UBXN2A: variants seen among roughly 807,000 people sequenced by gnomAD.
UBXN2A encodes UBX domain-containing protein 2A.
UBXN2A carries 28 observed loss-of-function variants against 28.4 expected under a neutral mutation model. The ratio of observed to expected loss-of-function variants is 0.99; its 90% CI spans 0.73 to 1.35. The LOEUF is 1.35. Among genes scored for constraint, UBXN2A ranks in the 40% most tolerant of loss-of-function variants. UBXN2A has a pLI of 0.00. For synonymous variants in UBXN2A, 97 were observed against 103.6 expected (o/e 0.94, Z 0.39); for missense variants, 253 against 297.9 (o/e 0.85, Z 1.11).
intron 1 of UBXN2A, among the ~76,000 whole-genome samples, chr2:23,954,979 C>G (rs1382812772): frequency 1.4e-5 from 2 of 144,382 alleles, no homozygotes; most frequent in Non-Finnish European, 3.0e-5. Flanking sequence ...TGTCGCCAGA[C>G]TGGAGTGCAG....
chr2:23,937,864 G>A (rs1025305510), upstream of UBXN2A, among the ~76,000 whole-genome samples: 2 of 152,278 alleles, frequency 1.3e-5, no homozygotes, highest in Middle Eastern at 3.4e-3. Context: ...CACAAACCTG[G>A]ATGGTATAGT....
intron 1 of UBXN2A, among the ~76,000 whole-genome samples, chr2:23,952,410 T>C (rs1706417716): frequency 1.3e-5 from 2 of 152,130 alleles, no homozygotes; most frequent in South Asian, 4.1e-4. Context: ...ACTACAGGCA[T>C]ATGCCACCGT....
chr2:23,958,450 T>C, intron 2 of UBXN2A, 95 bp downstream of exon 2: 1 of 1,231,978 alleles, frequency 8.1e-7, no homozygotes, highest in Admixed American at 2.7e-5. Context: ...GTAGAGTACG[T>C]TTTAATTATG....
intron 1 of UBXN2A, among the ~76,000 whole-genome samples, chr2:23,933,491 A>C (rs1432176249): frequency 6.6e-6 from 1 of 151,990 alleles, no homozygotes; most frequent in Non-Finnish European, 1.5e-5. Flanking sequence ...GGGCAACAAG[A>C]GCAAAACTCT....
At position 23,971,326 on chromosome 2, in the gene UBXN2A, C is replaced by G; in HGVS notation, c.92C>G (p.Ser31Ter). The G allele has an allele frequency of 6.3e-7, 1 of 1,575,982 alleles. No individual in the cohort carries two copies. The highest frequency in any genetic ancestry group is 8.7e-7 in the Non-Finnish European group (1 of 1,152,320). The change falls in exon 3 of 7, where the codon TCA (serine) becomes TGA (stop). Residue 31 changes from serine to a stop codon, truncating the protein, a stop_gained. Transcript: ENST00000309033. LOFTEE classifies it high-confidence loss of function. Reference protein sequence around the residue: ...DNQPLGNNQQSNCEYFVDSLF... With the variant: ...DNQPLGNNQQ ...CAACCTCTTGGTAATAATCAACAAT[C>G]AAATTGTGAATATTTTGTTGATAGC... is the stretch of plus-strand genomic sequence containing the variant.
At chr2:23,996,189 C>T (rs960107302) in intron 6 of UBXN2A, among the ~76,000 whole-genome samples, 1 of 151,544 alleles carries the variant, frequency 6.6e-6, no homozygotes, top group African/African-American at 2.4e-5. Context: ...GCCTCAGCCT[C>T]CCGAGTAGCT....
At chr2:23,941,704 G>A (rs185227310) in intron 1 of UBXN2A, among the ~76,000 whole-genome samples, 3 of 152,200 alleles carry the variant, frequency 2.0e-5, no homozygotes, top group African/African-American at 4.8e-5. Flanking sequence ...TGTACTGAAT[G>A]CTAAGGATAC....
chr2:23,994,915 C>G (rs1708473512), intron 6 of UBXN2A, among the ~76,000 whole-genome samples: 1 of 152,122 alleles, frequency 6.6e-6, no homozygotes, highest in African/African-American at 2.4e-5. Context: ...TGGACTTGAA[C>G]CTTAGGGTCT....
intron 1 of UBXN2A, among the ~76,000 whole-genome samples, chr2:23,935,335 G>A (rs1705490834): frequency 6.6e-6 from 1 of 151,936 alleles, no homozygotes; most frequent in Non-Finnish European, 1.5e-5. Context: ...TCTGATAAGG[G>A]ATTACTATCC....
At chr2:23,995,315 A>G (rs954695304) in intron 6 of UBXN2A, among the ~76,000 whole-genome samples, 13 of 151,968 alleles carry the variant, frequency 8.6e-5, no homozygotes, top group African/African-American at 2.2e-4. Context: ...TCCTTCCTAC[A>G]GGGCTCTCAG....
intron 6 of UBXN2A, among the ~76,000 whole-genome samples, chr2:23,989,123 C>T (rs540708950): frequency 8.5e-5 from 13 of 152,078 alleles, no homozygotes; most frequent in South Asian, 6.2e-4. Flanking sequence ...CACACACACA[C>T]GCCAAAAAGA....
intron 1 of UBXN2A, among the ~76,000 whole-genome samples, chr2:23,949,116 C>CATT (rs1553468145): frequency 7.9e-6 from 1 of 127,060 alleles, no homozygotes; most frequent in African/African-American, 2.9e-5. Flanking sequence ...ATTTTTTTTT[C>CATT]TTTTTTTTTT....
chr2:23,935,397 C>CA (rs143316152), intron 1 of UBXN2A, among the ~76,000 whole-genome samples: 17,920 of 151,584 alleles, frequency 0.12, 1,126 homozygotes, highest in Middle Eastern at 0.21. Context: ...ACAACAACAA[C>CA]AACAAAAAAA....
intron 4 of UBXN2A, among the ~76,000 whole-genome samples, chr2:23,979,996 A>T (rs1391543357): frequency 2.0e-5 from 3 of 152,020 alleles, no homozygotes; most frequent in Non-Finnish European, 4.4e-5. Context: ...TTTGAAGTAT[A>T]TAGTTAAGTA....
chr2:23,971,231 G>GAACAAAATA, intron 2 of UBXN2A, 45 bp from the exon 3 acceptor site: 1 of 1,446,994 alleles, frequency 6.9e-7, no homozygotes. Context: ...TAAATTTTTA[G>GAACAAAATA]AGACCTAATA....
chr2:23,992,507 C>T (rs972569524), intron 6 of UBXN2A, among the ~76,000 whole-genome samples: 2 of 152,124 alleles, frequency 1.3e-5, no homozygotes, highest in African/African-American at 2.4e-5. Context: ...TCTGGGTATA[C>T]GAACAATACC....
intron 2 of UBXN2A, among the ~76,000 whole-genome samples, chr2:23,965,630 TTGAG>T (rs1216003479): frequency 6.6e-6 from 1 of 152,236 alleles, no homozygotes; most frequent in African/African-American, 2.4e-5. Flanking sequence ...TAATATTTTG[TTGAG>T]TATTTTTGCA....
At chr2:23,974,824 C>A (rs1707587989) in intron 3 of UBXN2A, among the ~76,000 whole-genome samples, 1 of 151,940 alleles carries the variant, frequency 6.6e-6, no homozygotes, top group Non-Finnish European at 1.5e-5. Context: ...CTAAAAAATA[C>A]AAAAATTAGC....
At chr2:23,969,711 G>GAACC (rs1250548363) in intron 2 of UBXN2A, among the ~76,000 whole-genome samples, 1 of 152,128 alleles carries the variant, frequency 6.6e-6, no homozygotes, top group African/African-American at 2.4e-5. Flanking sequence ...TGTGCCTGTA[G>GAACC]AACCAGCTAC....
Sources: allele counts gnomAD v4.1 joint callset (sites outside exome capture counted in the v4.1 genomes callset), GRCh38; gene constraint gnomAD v4.1.1; transcripts MANE v1.5; gene names NCBI Gene and HGNC (gene_info 2026-07-23, HGNC 2026-07-21).